The following TOM1L1 variants were observed in gnomAD, a reference collection of about 807,000 sequenced individuals.
The protein encoded by TOM1L1 is target of myb1 like 1 membrane trafficking protein, also known as TOM1-like protein 1.
A neutral mutation model predicts 63.4 loss-of-function variants in TOM1L1; 64 were observed. That is an observed-to-expected ratio of 1.01 (90% CI 0.83 to 1.24). The LOEUF (loss-of-function observed/expected upper bound fraction) is 1.24, where lower values mean the gene tolerates loss of function less well. TOM1L1 is among the 50% of genes most tolerant of loss of function. The probability of loss-of-function intolerance (pLI) is 0.00; values close to 1 mark genes in which losing one functional copy is unlikely to be tolerated. For missense variants in TOM1L1, 536 were observed against 567.0 expected (o/e 0.95, Z 0.55); for synonymous variants, 166 against 194.4 (o/e 0.85, Z 1.22).
chr17:54,937,770 T>G (rs1043714359), intron 10 of TOM1L1: 1 of 152,454 alleles, frequency 6.6e-6, no homozygotes, highest in African/African-American at 2.4e-5. Context: ...ATGATTGCCT[T>G]AAAGGGTGGT....
At position 54,914,370 on chromosome 17, in the gene TOM1L1, T is replaced by TA. The variant is rs35044232; in HGVS notation, c.499-253dup. Among the ~76,000 whole-genome samples, 461 of 144,590 alleles carry TA rather than the reference T, an allele frequency of 3.2e-3. 2 individuals are homozygous for TA. Among genetic ancestry groups the TA allele is most frequent in the African/African-American group, 0.01 (403 of 38,746 alleles). The allele number at this position is 144,590 out of a possible 152,430, so 94.9% of individuals were successfully genotyped here. Reference sequence around the variant, plus strand: ...GCAGTTTATCACTTAGACCCTTGGTTAAAAAAAAAAAAAAAAGGGCATTTT... The same window carrying TA: ...GCAGTTTATCACTTAGACCCTTGGTTAAAAAAAAAAAAAAAAAGGGCATTTT... On this transcript the variant is annotated intron_variant, in intron 5 of 15. Coordinates refer to ENST00000575882, the MANE Select transcript of TOM1L1 (RefSeq NM_005486.3).
At chr17:54,917,258 C>A (rs922795211) in intron 7 of TOM1L1, 2 of 152,032 alleles carry the variant, frequency 1.3e-5, no homozygotes, top group African/African-American at 4.8e-5. Context: ...TTTCTATTCT[C>A]TTCTTATGGA....
chr17:54,953,239 G>A (rs965918438), intron 14 of TOM1L1: 1 of 152,356 alleles, frequency 6.6e-6, no homozygotes, highest in Admixed American at 6.5e-5. Context: ...AATCAGCCAG[G>A]TGTGCCTTAG....
intron 3 of TOM1L1, chr17:54,906,741 C>T: frequency 1.0e-6 from 1 of 985,174 alleles, no homozygotes; most frequent in Non-Finnish European, 1.2e-6. Flanking sequence ...TGATGTGTTC[C>T]CATTTTCCCA....
At chr17:54,947,451 T>A (rs2049139274) in intron 12 of TOM1L1, 139 bp downstream of exon 12, 1 of 946,562 alleles carries the variant, frequency 1.1e-6, no homozygotes, top group South Asian at 1.6e-5. Flanking sequence ...ATGGTAAGGA[T>A]CAAAATTTTT....
intron 4 of TOM1L1, among the ~76,000 whole-genome samples, chr17:54,913,510 C>A (rs2048529188): frequency 6.6e-6 from 1 of 151,872 alleles, no homozygotes; most frequent in African/African-American, 2.4e-5. Flanking sequence ...CTAAAAAATA[C>A]AAAAAGTAAG....
intron 10 of TOM1L1, chr17:54,938,493 C>CAAAAAAA (rs34581628): frequency 4.2e-5 from 3 of 71,108 alleles, no homozygotes; most frequent in African/African-American, 6.7e-5. Flanking sequence ...GACTCCATCT[C>CAAAAAAA]AAAAAAAAAA....
intron 13 of TOM1L1, 114 bp downstream of exon 13, chr17:54,949,737 T>A: frequency 1.1e-6 from 1 of 926,170 alleles, no homozygotes; most frequent in Non-Finnish European, 1.7e-6. Context: ...TCTTTTGTAT[T>A]TTTAAGCTAA....
chr17:54,917,010 C>T (rs1007266643), intron 7 of TOM1L1: 6 of 151,966 alleles, frequency 3.9e-5, no homozygotes, highest in African/African-American at 1.2e-4. Context: ...TATTATTCTG[C>T]TTCTTAATCC....
At chr17:54,916,985 C>G (rs144824734) in intron 7 of TOM1L1, 4 of 152,282 alleles carry the variant, frequency 2.6e-5, no homozygotes, top group African/African-American at 9.6e-5. Flanking sequence ...CCCACTAATG[C>G]TGATAGAAGT....
chr17:54,958,779 C>T (rs184082079), intron 14 of TOM1L1, among the ~76,000 whole-genome samples: 89 of 146,082 alleles, frequency 6.1e-4, no homozygotes, highest in African/African-American at 2.1e-3. Flanking sequence ...GATACTAAGG[C>T]ATTTACTACA....
Position 54,930,166 on chromosome 17 carries a change from GTGA to G in TOM1L1, c.815_817del (p.Val272_Asn273delinsAsp). 1.2e-6 allele frequency: 2 copies of G among 1,614,074 alleles called. No individual in the cohort carries two copies. Among genetic ancestry groups the G allele is most frequent in the Non-Finnish European group, 1.7e-6 (2 of 1,179,992 alleles). On this transcript the variant is annotated inframe_deletion, in exon 8 of 16. Transcript: ENST00000575882. ...AGATGTAACTGTTGAGCTAATTCAG[GTGA>G]ATGAGGATTTGAATAATGCTATCCT...
rs750374377 is a variant in TOM1L1 at position 54,930,150 on chromosome 17, T to A, written c.798T>A (p.Thr266=). The stretch of plus-strand genomic sequence containing the variant: ...TGGTGGTGGAGAACGAAGATGTAAC[T>A]GTTGAGCTAATTCAGGTGAATGAGG... ...LLVVVENEDV[T]VELIQVNEDL... Residue 266 remains threonine, a synonymous_variant, in exon 8 of 16, where the codon ACT becomes ACA. Transcript: ENST00000575882. 1 of 1,614,092 alleles carries A rather than the reference T, an allele frequency of 6.2e-7. No homozygotes were observed. The highest frequency in any genetic ancestry group is 1.3e-5 in the African/African-American group (1 of 75,040).
chr17:54,959,786 T>C (rs2077065754), intron 14 of TOM1L1, among the ~76,000 whole-genome samples: 1 of 152,026 alleles, frequency 6.6e-6, no homozygotes, highest in South Asian at 2.1e-4. Flanking sequence ...CATGATAATT[T>C]TTATGTTTTT....
At chr17:54,936,227 T>C (rs1286093612) in intron 8 of TOM1L1, among the ~76,000 whole-genome samples, 1 of 152,040 alleles carries the variant, frequency 6.6e-6, no homozygotes, top group Non-Finnish European at 1.5e-5. Flanking sequence ...TAATCACTAA[T>C]AGAGTGGTTA....
chr17:54,933,019 C>T (rs1038276909), intron 8 of TOM1L1, among the ~76,000 whole-genome samples: 4 of 152,216 alleles, frequency 2.6e-5, no homozygotes, highest in Non-Finnish European at 4.4e-5. Flanking sequence ...CTGTGAAACA[C>T]TTACATCCTA....
At chr17:54,903,071 C>A (rs527806439) in intron 1 of TOM1L1, among the ~76,000 whole-genome samples, 1 of 152,152 alleles carries the variant, frequency 6.6e-6, no homozygotes, top group Non-Finnish European at 1.5e-5. Flanking sequence ...TAGAAGGAAT[C>A]GTGAGATTAA....
intron 7 of TOM1L1, among the ~76,000 whole-genome samples, chr17:54,926,129 G>T (rs952528120): frequency 1.3e-5 from 2 of 152,202 alleles, no homozygotes; most frequent in African/African-American, 4.8e-5. Context: ...AGAGGGTCTT[G>T]CTCTTTGTTA....
intron 7 of TOM1L1, among the ~76,000 whole-genome samples, chr17:54,919,175 A>C (rs1258665564): frequency 6.6e-6 from 1 of 152,208 alleles, no homozygotes; most frequent in Non-Finnish European, 1.5e-5. Context: ...TTTCAAAGGT[A>C]GTAGTCCACA....
Sources: gnomAD v4.1 joint callset for allele counts (sites outside exome capture counted in the v4.1 genomes callset) on GRCh38, gnomAD v4.1.1 for gene constraint, MANE v1.5 for transcripts, NCBI Gene and HGNC (gene_info 2026-07-23, HGNC 2026-07-21) for gene names.